PNPLA5: variants seen among roughly 807,000 people sequenced by gnomAD.
PNPLA5 encodes patatin like domain 5, triacylglycerol lipase.
In PNPLA5, 44 loss-of-function variants were observed where a neutral mutation model predicts 49.1. The observed-to-expected ratio is 0.90, with a 90% CI of 0.70 to 1.15. The LOEUF (loss-of-function observed/expected upper bound fraction) is 1.15. Among genes scored for constraint, PNPLA5 ranks in the 50% most tolerant of loss-of-function variants. The pLI is 0.00. For synonymous variants in PNPLA5, 243 were observed against 244.4 expected (o/e 0.99, Z 0.06); for missense variants, 603 against 564.0 (o/e 1.07, Z -0.70).
chr22:43,881,779 G>A lies in PNPLA5; in HGVS notation c.1083-105C>T. The A allele has an allele frequency of 1.1e-5, 17 of 1,491,590 alleles. 1 individual carries two copies. The South Asian group carries it at 2.3e-4, about 20-fold the overall frequency. 92.4% of individuals were successfully genotyped at this position (1,491,590 alleles called of 1,614,324 possible). A position where few individuals can be genotyped will look rare whatever the true frequency, so the allele number is the denominator to read the frequency against. ...GAGCACAGCCGGGAGCCCTGCTCCTGAGGGCTGCCCAGGTTAGGGAAGAAG... is the reference window on the plus strand; with the variant it reads ...GAGCACAGCCGGGAGCCCTGCTCCTAAGGGCTGCCCAGGTTAGGGAAGAAG... On this transcript the variant is annotated intron_variant, in intron 7 of 8. Coordinates refer to ENST00000216177, the MANE Select transcript of PNPLA5 (RefSeq NM_138814.4).
chr22:43,891,399 A>G, intron 1 of PNPLA5, 105 bp from the exon 2 acceptor site: 1 of 1,425,968 alleles, frequency 7.0e-7, no homozygotes, highest in Non-Finnish European at 9.1e-7. Flanking sequence ...GGTCCTCCCC[A>G]CTCCAGCTCA....
rs1198096425 is a variant in PNPLA5 at position 43,889,841 on chromosome 22, A to G, written c.450T>C (p.Phe150=). 2 of 1,613,632 alleles carry G rather than the reference A, an allele frequency of 1.2e-6. No homozygotes were observed. The highest frequency in any genetic ancestry group is 8.5e-7 in the Non-Finnish European group (1 of 1,179,876). ...GGGGGATCAGCCCGCAGTAGAAAGG[A>G]AAGTATAAGGTGCAGACCAAGGCCT... ...LIQALVCTLY[F]PFYCGLIPPE... Residue 150 remains phenylalanine (F), a synonymous_variant, in exon 3 of 9, where the codon TTT becomes TTC. Transcript: ENST00000216177.
intron 6 of PNPLA5, among the ~76,000 whole-genome samples, chr22:43,885,295 G>A (rs927232350): frequency 2.0e-5 from 3 of 152,080 alleles, no homozygotes; most frequent in Non-Finnish European, 2.9e-5. Flanking sequence ...ATGGAAAGGG[G>A]CCCCCTTCCT....
chr22:43,889,043 C>T (rs1275510283), intron 4 of PNPLA5, among the ~76,000 whole-genome samples: 1 of 152,220 alleles, frequency 6.6e-6, no homozygotes. Flanking sequence ...CCCAGAGGAG[C>T]ACAGGCAAAG....
At chr22:43,886,854 C>T (rs1281196451) in intron 5 of PNPLA5, among the ~76,000 whole-genome samples, 1 of 152,202 alleles carries the variant, frequency 6.6e-6, no homozygotes, top group African/African-American at 2.4e-5. Flanking sequence ...AAGATAAATA[C>T]ATAAAGCTTA....
chr22:43,884,200 G>A lies in PNPLA5; in HGVS notation c.1082+13C>T. Reference sequence around the variant, plus strand: ...AAGCCAGGCCCTTCCCAGGCCCCCTGGCCGAGCCTTACCTTCTGCTGCGGA... The same window carrying A: ...AAGCCAGGCCCTTCCCAGGCCCCCTAGCCGAGCCTTACCTTCTGCTGCGGA... On this transcript the variant is annotated intron_variant, in intron 7 of 8. Coordinates refer to ENST00000216177, the MANE Select transcript of PNPLA5 (RefSeq NM_138814.4). The A allele has an allele frequency of 6.5e-7, 1 of 1,528,158 alleles. No individual in the cohort carries two copies. The highest frequency in any genetic ancestry group is 8.8e-7 in the Non-Finnish European group (1 of 1,134,172). 94.7% of individuals were successfully genotyped at this position (1,528,158 alleles called of 1,614,324 possible). A position where few individuals can be genotyped will look rare whatever the true frequency, so the allele number is the denominator to read the frequency against.
intron 7 of PNPLA5, 87 bp downstream of exon 7, chr22:43,884,126 A>AACCCCCC: frequency 3.5e-6 from 2 of 571,654 alleles, no homozygotes; most frequent in Non-Finnish European, 2.7e-6. Flanking sequence ...AGCCCTACCC[A>AACCCCCC]CCCAGTGTGC....
chr22:43,884,995 C>T lies in PNPLA5; in HGVS notation c.950-650G>A, dbSNP rs2049647853. On this transcript the variant is annotated intron_variant, in intron 6 of 8. Coordinates refer to ENST00000216177, the MANE Select transcript of PNPLA5 (RefSeq NM_138814.4). ...CAGGCCAGAGACCCTGCTCCACATC[C>T]ACCTGCCGAGTGTCCTAGGACGAGT... Among the ~76,000 whole-genome samples the T allele has an allele frequency of 2.0e-5, 3 of 152,250 alleles. No individual in the cohort carries two copies. In the South Asian group the frequency reaches 6.2e-4, roughly 31 times the overall value.
chr22:43,889,737 C>T (rs2049703295), intron 3 of PNPLA5, 62 bp downstream of exon 3: 3 of 1,569,864 alleles, frequency 1.9e-6, no homozygotes, highest in African/African-American at 1.4e-5. Flanking sequence ...ACCCAAGCAC[C>T]TCTCCACGGT....
intron 4 of PNPLA5, 170 bp from the exon 5 acceptor site, chr22:43,887,821 ACTGG>A (rs2049681970): frequency 1.1e-5 from 10 of 914,168 alleles, no homozygotes; most frequent in Non-Finnish European, 1.3e-5. Flanking sequence ...GGACCTTAGC[ACTGG>A]GCAGGAGGGG....
At chr22:43,885,482 G>C (rs1050518052) in intron 6 of PNPLA5, among the ~76,000 whole-genome samples, 6 of 144,540 alleles carry the variant, frequency 4.2e-5, no homozygotes, top group South Asian at 2.4e-4. Context: ...AGCCTCCCAA[G>C]CTCACCTCTG....
intron 7 of PNPLA5, 37 bp from the exon 8 acceptor site, chr22:43,881,711 C>T (rs1277628436): frequency 1.2e-6 from 2 of 1,604,082 alleles, no homozygotes; most frequent in Non-Finnish European, 1.7e-6. Flanking sequence ...CCCAGGTGAG[C>T]CTGGGGTGTG....
intron 5 of PNPLA5, chr22:43,886,719 C>T (rs879710368): frequency 1.7e-6 from 1 of 596,910 alleles, no homozygotes; most frequent in Non-Finnish European, 2.1e-6. Flanking sequence ...AAGACACAAT[C>T]CAGAGTTCGA....
intron 4 of PNPLA5, among the ~76,000 whole-genome samples, chr22:43,888,383 T>TGA (rs750090145): frequency 1.6e-3 from 184 of 114,964 alleles, no homozygotes; most frequent in African/African-American, 5.2e-3. Context: ...TGTGTGTGTG[T>TGA]GTGTGTGTGT....
chr22:43,883,166 A>AT (rs2049627409), intron 7 of PNPLA5, among the ~76,000 whole-genome samples: 1 of 152,070 alleles, frequency 6.6e-6, no homozygotes. Flanking sequence ...CATCCTTCAG[A>AT]TTATAGCCTA....
In PNPLA5 at chr22:43,880,748, C is replaced by T. The variant is rs1203888199; in HGVS notation, c.*47G>A. ...TGGGCACACAGGACAAAGGCCAGAG[C>T]AGGAATCAAGGGACACCAGTCACTG... On this transcript the variant is annotated 3_prime_UTR_variant, in exon 9 of 9. Transcript: ENST00000216177. 1.6e-6 allele frequency: 2 copies of T among 1,289,846 alleles called. No individual in the cohort carries two copies. The highest frequency in any genetic ancestry group is 2.0e-6 in the Non-Finnish European group (2 of 1,013,042). 79.9% of individuals were successfully genotyped at this position (1,289,846 alleles called of 1,614,324 possible).
chr22:43,891,670 C>T lies in PNPLA5; in HGVS notation c.193+18G>A, dbSNP rs1431016580. ...AAGCTGTCCCCGCCCCTTTTCGCCC[C>T]CGCGGTCCGGGACTCACCGACCGAC... On this transcript the variant is annotated intron_variant, in intron 1 of 8. Coordinates refer to ENST00000216177, the MANE Select transcript of PNPLA5 (RefSeq NM_138814.4). The T allele has an allele frequency of 2.6e-6, 4 of 1,527,934 alleles. No individual in the cohort carries two copies. In the South Asian group the frequency reaches 4.9e-5, roughly 19 times the overall value. 94.6% of individuals were successfully genotyped at this position (1,527,934 alleles called of 1,614,324 possible).
At chr22:43,887,794 GGGCA>G (rs200969020) in intron 4 of PNPLA5, 143 bp from the exon 5 acceptor site, 2 of 1,462,352 alleles carry the variant, frequency 1.4e-6, no homozygotes, top group South Asian at 2.7e-5. Context: ...ACAGGGCTCA[GGGCA>G]GGAGCCTGGG....
At chr22:43,884,110 C>G in intron 7 of PNPLA5, 103 bp downstream of exon 7, 1 of 877,110 alleles carries the variant, frequency 1.1e-6, no homozygotes, top group Admixed American at 2.9e-5. Context: ...TCCCCCCACC[C>G]CGCCGAGCCC....
Sources: allele counts gnomAD v4.1 joint callset (sites outside exome capture counted in the v4.1 genomes callset), GRCh38; gene constraint gnomAD v4.1.1; transcripts MANE v1.5; gene names NCBI Gene and HGNC (gene_info 2026-07-23, HGNC 2026-07-21).